Variants in BEND7 observed in about 807,000 individuals in gnomAD.
BEND7 encodes the protein BEN domain-containing protein 7.
Under a neutral mutation model 50.9 loss-of-function variants are expected in BEND7, and 28 were observed. The observed-to-expected ratio is 0.55, with a 90% CI of 0.41 to 0.75. The LOEUF is 0.75. Among genes scored for constraint, BEND7 ranks in the 30% least tolerant of loss-of-function variants. The probability of loss-of-function intolerance (pLI) is 0.00; values close to 1 mark genes in which losing one functional copy is unlikely to be tolerated. For missense variants in BEND7, 477 were observed against 491.3 expected (o/e 0.97, Z 0.28); for synonymous variants, 170 against 183.9 (o/e 0.92, Z 0.61).
chr10:13,496,618 A>G (rs1246549009), intron 4 of BEND7, 148 bp downstream of exon 4: 11 of 946,698 alleles, frequency 1.2e-5, no homozygotes, highest in Non-Finnish European at 1.7e-5. Context: ...GATTGTAGAG[A>G]AAGCTGAAAA....
At chr10:13,479,743 C>A (rs142217617) in intron 6 of BEND7, among the ~76,000 whole-genome samples, 262 of 152,330 alleles carry the variant, frequency 1.7e-3, no homozygotes, top group African/African-American at 6.1e-3. Flanking sequence ...TAATACAACT[C>A]AACTGTCACT....
chr10:13,475,432 G>C (rs747619340), intron 6 of BEND7, among the ~76,000 whole-genome samples: 1 of 152,174 alleles, frequency 6.6e-6, no homozygotes, highest in South Asian at 2.1e-4. Flanking sequence ...GCTATATCAA[G>C]TGTTTACTCC....
Position 13,528,576 on chromosome 10 carries a change from GCGGCGGCAGCGGCA to G in BEND7, c.-57_-44del. 8.8e-5 allele frequency: 2 copies of G among 22,698 alleles called. No individual in the cohort carries two copies. The highest frequency in any genetic ancestry group is 9.8e-5 in the Non-Finnish European group (2 of 20,462). The allele number at this position is 22,698 out of a possible 1,614,324, so 1.4% of individuals were successfully genotyped here. On this transcript the variant is annotated 5_prime_UTR_variant, in exon 1 of 9. Transcript: ENST00000466271. Reference sequence around the variant, plus strand: ...GGCGGGGGCTGAGGAGGCGGCGGCAGCGGCGGCAGCGGCAGCGGCGGCAGCGGCAGCGGCGGCGC... The same window carrying G: ...GGCGGGGGCTGAGGAGGCGGCGGCAGGCGGCGGCAGCGGCAGCGGCGGCGC...
At chr10:13,474,984 A>C (rs191406033) in intron 6 of BEND7, among the ~76,000 whole-genome samples, 1 of 152,230 alleles carries the variant, frequency 6.6e-6, no homozygotes, top group African/African-American at 2.4e-5. Context: ...TACTGAATCT[A>C]TCTCTTAGCA....
intron 2 of BEND7, chr10:13,503,012 A>T: frequency 1.1e-6 from 1 of 873,068 alleles, no homozygotes. Context: ...GGAAGGCGTC[A>T]CAAGGATTCT....
chr10:13,464,649 A>G (rs1230390707), intron 6 of BEND7, among the ~76,000 whole-genome samples: 1 of 152,192 alleles, frequency 6.6e-6, no homozygotes, highest in Non-Finnish European at 1.5e-5. Flanking sequence ...AGGCAGAGAA[A>G]ACAAATTCTT....
At chr10:13,443,212 T>C (rs1835599217) in intron 8 of BEND7, 1 of 152,650 alleles carries the variant, frequency 6.6e-6, no homozygotes, top group African/African-American at 2.4e-5. Context: ...TATATGAAAC[T>C]ATTCAAACAT....
intron 2 of BEND7, chr10:13,502,800 CCT>C (rs1374593671): frequency 1.5e-6 from 1 of 683,832 alleles, no homozygotes. Flanking sequence ...GGCCGCCACC[CCT>C]GACCCCAGGC....
In BEND7 at chr10:13,515,583, G is replaced by A. The variant is rs545067005; in HGVS notation, c.145+10555C>T. 5.3e-5 allele frequency among the ~76,000 whole-genome samples: 8 copies of A among 152,268 alleles called. No homozygotes were observed. The East Asian group carries it at 7.7e-4, about 15-fold the overall frequency. ...TTTGAAAACATATTATGAAATATGC[G>A]TGCAATAAGCTATCCTTTGTAGAGA... On this transcript the variant is annotated intron_variant, in intron 2 of 8. Coordinates refer to ENST00000466271, the MANE Select transcript of BEND7 (RefSeq NM_001369863.1).
At chr10:13,453,505 C>G (rs1399927971) in intron 6 of BEND7, among the ~76,000 whole-genome samples, 1 of 151,908 alleles carries the variant, frequency 6.6e-6, no homozygotes, top group African/African-American at 2.4e-5. Context: ...ACAGATTCAA[C>G]TAAAGAAAAA....
chr10:13,479,807 A>ATGTCCTT (rs1347837446), intron 6 of BEND7, among the ~76,000 whole-genome samples: 1 of 97,638 alleles, frequency 1.0e-5, no homozygotes, highest in South Asian at 4.3e-4. Flanking sequence ...ATGAAGGCTT[A>ATGTCCTT]TGTCCTTCTG....
intron 2 of BEND7, among the ~76,000 whole-genome samples, chr10:13,522,565 G>A (rs1282316295): frequency 3.3e-5 from 5 of 152,220 alleles, no homozygotes; most frequent in African/African-American, 4.8e-5. Flanking sequence ...TCATGGTCGA[G>A]CTATAATGAT....
rs1261932323 is a variant in BEND7 at position 13,499,985 on chromosome 10, C to T, written c.241G>A (p.Gly81Arg). The T allele has an allele frequency of 3.1e-6, 5 of 1,614,096 alleles. No individual in the cohort carries two copies. Among genetic ancestry groups the T allele is most frequent in the East Asian group, 4.5e-5 (2 of 44,898 alleles). Residue 81 changes from glycine (G) to arginine (R), a missense_variant, in exon 3 of 9, where the codon GGA becomes AGA. Physicochemically the swap from Gly to Arg is moderately radical, Grantham distance 125 (BLOSUM62 -2). Coordinates refer to ENST00000466271, the MANE Select transcript of BEND7 (RefSeq NM_001369863.1). ...GRIYQRVGKE[G>R]EKLKEEPQDL... ...TGGGGCTCTTCTTTTAGTTTCTCTC[C>T]TTCTTTGCCAACTCGCTGATAGATC...
At chr10:13,485,082 G>A (rs865964103) in intron 5 of BEND7, among the ~76,000 whole-genome samples, 1 of 152,138 alleles carries the variant, frequency 6.6e-6, no homozygotes, top group Non-Finnish European at 1.5e-5. Context: ...GGTAAATGAA[G>A]ATGCGCCTTC....
chr10:13,448,644 C>T (rs1442419518), intron 7 of BEND7, among the ~76,000 whole-genome samples: 1 of 152,080 alleles, frequency 6.6e-6, no homozygotes, highest in African/African-American at 2.4e-5. Context: ...CTAGATCCAC[C>T]ACAAAGAGAA....
intron 6 of BEND7, among the ~76,000 whole-genome samples, chr10:13,472,232 C>T (rs2074933170): frequency 6.6e-6 from 1 of 151,834 alleles, no homozygotes; most frequent in African/African-American, 2.4e-5. Context: ...TCCATCATCG[C>T]TATTAGAGTA....
At chr10:13,448,334 G>GC (rs756091983) in intron 7 of BEND7, among the ~76,000 whole-genome samples, 1 of 152,266 alleles carries the variant, frequency 6.6e-6, no homozygotes, top group East Asian at 1.9e-4. Flanking sequence ...TTCGGTGGTG[G>GC]CCTCCATGGC....
At chr10:13,501,001 T>A (rs2077406020) in intron 2 of BEND7, 2 of 212,954 alleles carry the variant, frequency 9.4e-6, no homozygotes, top group Non-Finnish European at 1.6e-5. Context: ...CTCAGGACAT[T>A]TTTTTAAAAT....
intron 7 of BEND7, among the ~76,000 whole-genome samples, chr10:13,451,783 C>T (rs369446923): frequency 0.013 from 1,717 of 134,010 alleles, 35 homozygotes; most frequent in African/African-American, 0.043. Flanking sequence ...CAACAGGCCC[C>T]GGTGTGTGAT....
Sources: allele counts gnomAD v4.1 joint callset (sites outside exome capture counted in the v4.1 genomes callset), GRCh38; gene constraint gnomAD v4.1.1; transcripts MANE v1.5; gene names NCBI Gene and HGNC (gene_info 2026-07-23, HGNC 2026-07-21).